SORCS2: variants seen among roughly 807,000 people sequenced by gnomAD.
The protein encoded by SORCS2 is VPS10 domain-containing receptor SorCS2.
SORCS2 carries 100 observed loss-of-function variants against 141.6 expected under a neutral mutation model. The ratio of observed to expected loss-of-function variants is 0.71; its 90% CI spans 0.60 to 0.83. The LOEUF is 0.83. SORCS2 is among the 40% of genes least tolerant of loss of function. SORCS2 has a pLI of 0.00. For synonymous variants in SORCS2, 789 were observed against 676.9 expected (o/e 1.17, Z -2.57); for missense variants, 1,646 against 1,560.2 (o/e 1.05, Z -0.93).
chr4:7,509,373 C>T (rs1012282869), intron 2 of SORCS2, among the ~76,000 whole-genome samples: 3 of 152,186 alleles, frequency 2.0e-5, no homozygotes, highest in East Asian at 1.9e-4. Context: ...TTGTGGAGTC[C>T]GGTGGGAGTC....
chr4:7,376,109 G>C (rs1041639703), intron 1 of SORCS2, among the ~76,000 whole-genome samples: 2 of 152,224 alleles, frequency 1.3e-5, no homozygotes, highest in Non-Finnish European at 2.9e-5. Context: ...AGTGCAGTTG[G>C]TGACAATTGA....
chr4:7,228,741 A>G (rs1711586587), intron 1 of SORCS2, among the ~76,000 whole-genome samples: 1 of 152,272 alleles, frequency 6.6e-6, no homozygotes, highest in South Asian at 2.1e-4. Context: ...GACTCTGTCC[A>G]GCTGCTCTGG....
At chr4:7,215,757 T>C (rs1379934592) in intron 1 of SORCS2, among the ~76,000 whole-genome samples, 1 of 152,190 alleles carries the variant, frequency 6.6e-6, no homozygotes, top group African/African-American at 2.4e-5. Context: ...ATCTAGCTGC[T>C]CTGGTGGGGT....
intron 1 of SORCS2, among the ~76,000 whole-genome samples, chr4:7,257,290 C>A (rs1198465060): frequency 6.6e-6 from 1 of 150,832 alleles, no homozygotes; most frequent in African/African-American, 2.4e-5. Context: ...CCACCAAGAA[C>A]CTTAAATGGG....
At chr4:7,272,659 G>A (rs908050055) in intron 1 of SORCS2, among the ~76,000 whole-genome samples, 4 of 152,230 alleles carry the variant, frequency 2.6e-5, no homozygotes, top group African/African-American at 9.6e-5. Flanking sequence ...AGGGGAGTGG[G>A]GCACCCCACC....
intron 3 of SORCS2, among the ~76,000 whole-genome samples, chr4:7,532,559 G>A (rs1467518901): frequency 6.6e-6 from 1 of 152,228 alleles, no homozygotes; most frequent in East Asian, 1.9e-4. Flanking sequence ...AGGGAGTTGT[G>A]CGGGATGGTG....
intron 15 of SORCS2, 105 bp from the exon 16 acceptor site, chr4:7,714,135 T>G: frequency 6.9e-7 from 1 of 1,454,046 alleles, no homozygotes; most frequent in Non-Finnish European, 9.2e-7. Flanking sequence ...ATCTGTAACC[T>G]GAGCCATCAG....
At chr4:7,228,168 T>A (rs946959496) in intron 1 of SORCS2, among the ~76,000 whole-genome samples, 1 of 152,208 alleles carries the variant, frequency 6.6e-6, no homozygotes, top group Non-Finnish European at 1.5e-5. Flanking sequence ...CCCCGCTCCT[T>A]GGCTCGCAGA....
At chr4:7,718,662 T>C (rs1577113319) in intron 18 of SORCS2, among the ~76,000 whole-genome samples, 1 of 152,242 alleles carries the variant, frequency 6.6e-6, no homozygotes, top group Admixed American at 6.5e-5. Flanking sequence ...GATACAGATA[T>C]AAATACTCAC....
intron 2 of SORCS2, among the ~76,000 whole-genome samples, chr4:7,424,782 G>A (rs1726312212): frequency 1.3e-5 from 2 of 152,204 alleles, no homozygotes; most frequent in African/African-American, 4.8e-5. Context: ...TCCCTACCAT[G>A]CCTTCAGCAC....
chr4:7,674,445 C>T (rs915676335), intron 8 of SORCS2, among the ~76,000 whole-genome samples: 7 of 151,782 alleles, frequency 4.6e-5, no homozygotes, highest in African/African-American at 9.7e-5. Flanking sequence ...TAGTGGCAGG[C>T]GCCTGTAATC....
chr4:7,621,479 G>A (rs891344748), intron 3 of SORCS2, among the ~76,000 whole-genome samples: 9 of 151,224 alleles, frequency 6.0e-5, no homozygotes, highest in African/African-American at 2.2e-4. Context: ...GTGTGTCTGT[G>A]TGTGTTTATA....
rs754496386 is a variant in SORCS2 at position 7,733,450 on chromosome 4, T to C, written c.3208+29T>C. 2.1e-5 allele frequency: 32 copies of C among 1,534,914 alleles called. No homozygotes were observed. In the African/African-American group the frequency reaches 3.4e-4, roughly 16 times the overall value. On this transcript the variant is annotated intron_variant, in intron 24 of 26. Transcript: ENST00000507866. ...AGCCACTGGGAGCTCCCCTGCGGAA[T>C]GGGTGGAGGAGGCATCCGGGCCCTG...
chr4:7,637,505 G>A (rs1183812067), intron 3 of SORCS2, among the ~76,000 whole-genome samples: 1 of 152,252 alleles, frequency 6.6e-6, no homozygotes, highest in African/African-American at 2.4e-5. Context: ...TCACGTTCAT[G>A]GCAGAGGCTG....
intron 2 of SORCS2, among the ~76,000 whole-genome samples, chr4:7,421,319 T>A (rs1560270147): frequency 6.6e-6 from 1 of 152,136 alleles, no homozygotes; most frequent in Non-Finnish European, 1.5e-5. Flanking sequence ...GCATGAGAGG[T>A]GGCTAAGAAC....
chr4:7,533,977 G>A (rs79936368), intron 3 of SORCS2, among the ~76,000 whole-genome samples: 7,305 of 152,272 alleles, frequency 0.048, 219 homozygotes, highest in Middle Eastern at 0.088. Context: ...AGGCAGCACC[G>A]GGGAGGTATC....
At chr4:7,638,264 A>C (rs1720400750) in intron 3 of SORCS2, 64 bp from the exon 4 acceptor site, 1 of 1,475,586 alleles carries the variant, frequency 6.8e-7, no homozygotes, top group Non-Finnish European at 9.0e-7. Flanking sequence ...GCCTCACAAC[A>C]CCTTTCTGGT....
intron 3 of SORCS2, among the ~76,000 whole-genome samples, chr4:7,554,314 G>A (rs1049253003): frequency 6.7e-6 from 1 of 150,060 alleles, no homozygotes; most frequent in Non-Finnish European, 1.5e-5. Context: ...CTGTAACATA[G>A]GAGAGTTGTT....
chr4:7,374,129 C>T (rs4466046), intron 1 of SORCS2, among the ~76,000 whole-genome samples: 706 of 51,858 alleles, frequency 0.014, 35 homozygotes, highest in African/African-American at 0.048. Flanking sequence ...CTTTCTTTCC[C>T]TCTTTCTTTC....
Sources: allele counts gnomAD v4.1 joint callset (sites outside exome capture counted in the v4.1 genomes callset), GRCh38; gene constraint gnomAD v4.1.1; transcripts MANE v1.5; gene names NCBI Gene and HGNC (gene_info 2026-07-23, HGNC 2026-07-21).